Variants in NEK7 observed in about 807,000 individuals in gnomAD.
NEK7 encodes NIMA related kinase 7.
A neutral mutation model predicts 44.6 loss-of-function variants in NEK7; 18 were observed. The ratio of observed to expected loss-of-function variants is 0.40; its 90% CI spans 0.28 to 0.60. NEK7 has a LOEUF of 0.60. Ranked by LOEUF, NEK7 falls within the 20% of genes least tolerant of loss-of-function variation. NEK7 has a pLI of 0.38. For missense variants in NEK7, 256 were observed against 366.5 expected, an observed-to-expected ratio of 0.70 and a Z score of 2.46; for synonymous variants, 130 against 121.1, an observed-to-expected ratio of 1.07 and a Z score of -0.48.
chr1:198,182,822 A>G (rs1438004625), intron 1 of NEK7, among the ~76,000 whole-genome samples: 1 of 152,194 alleles, frequency 6.6e-6, no homozygotes, highest in African/African-American at 2.4e-5. Context: ...TGGGAGATTC[A>G]GAGGAATCTA....
intron 1 of NEK7, among the ~76,000 whole-genome samples, chr1:198,211,875 G>A (rs1449431091): frequency 1.3e-5 from 2 of 152,172 alleles, no homozygotes; most frequent in African/African-American, 4.8e-5. Flanking sequence ...TTTGAAAGAC[G>A]CAGTGGACAG....
chr1:198,264,969 A>G (rs949877438), intron 5 of NEK7, among the ~76,000 whole-genome samples: 1 of 152,052 alleles, frequency 6.6e-6, no homozygotes, highest in Non-Finnish European at 1.5e-5. Context: ...TTGTAAGGCT[A>G]TGTAAATGTA....
At chr1:198,214,443 T>C (rs1300513520) in intron 1 of NEK7, among the ~76,000 whole-genome samples, 1 of 152,116 alleles carries the variant, frequency 6.6e-6, no homozygotes, top group African/African-American at 2.4e-5. Context: ...ATTCTGGATA[T>C]GGATGAAAAA....
chr1:198,307,875 G>A (rs1161664432), intron 9 of NEK7, among the ~76,000 whole-genome samples: 1 of 151,970 alleles, frequency 6.6e-6, no homozygotes, highest in Admixed American at 6.6e-5. Flanking sequence ...GCTGTATTAA[G>A]CATCATGAGA....
intron 1 of NEK7, among the ~76,000 whole-genome samples, chr1:198,201,781 T>TG (rs764873123): frequency 6.6e-6 from 1 of 152,180 alleles, no homozygotes; most frequent in Non-Finnish European, 1.5e-5. Context: ...AAGACACACT[T>TG]GGAGTTTTTG....
At chr1:198,252,554 AT>A (rs1558079192) in intron 2 of NEK7, among the ~76,000 whole-genome samples, 5,392 of 68,578 alleles carry the variant, frequency 0.079, 358 homozygotes, top group Middle Eastern at 0.11. Context: ...ATATATATAT[AT>A]ATATATATAT....
chr1:198,172,011 C>T (rs1253193074), intron 1 of NEK7, among the ~76,000 whole-genome samples: 1 of 152,180 alleles, frequency 6.6e-6, no homozygotes, highest in Non-Finnish European at 1.5e-5. Flanking sequence ...CTGTATGTCT[C>T]CTCTGGGAAT....
chr1:198,310,092 C>A (rs539182104), intron 9 of NEK7, among the ~76,000 whole-genome samples: 50 of 152,146 alleles, frequency 3.3e-4, no homozygotes, highest in African/African-American at 1.2e-3. Flanking sequence ...TCTCCACATC[C>A]TCTCCAGCAC....
intron 1 of NEK7, among the ~76,000 whole-genome samples, chr1:198,215,844 A>G (rs1283405815): frequency 6.6e-5 from 10 of 152,138 alleles, no homozygotes; most frequent in Non-Finnish European, 2.9e-5. Flanking sequence ...GAAGGGATCA[A>G]TTCAACAAGA....
chr1:198,253,072 A>T lies in NEK7; in HGVS notation c.90A>T (p.Thr30=), dbSNP rs758564308. 4.3e-6 allele frequency: 7 copies of T among 1,612,018 alleles called. No individual in the cohort carries two copies. The Admixed American group carries it at 8.3e-5, about 19-fold the overall frequency. The change falls in exon 3 of 10, where the codon ACA becomes ACT. Residue 30 remains threonine (T), a synonymous_variant. Coordinates refer to ENST00000367385, the MANE Select transcript of NEK7 (RefSeq NM_133494.3). The stretch of plus-strand genomic sequence containing the variant: ...TACGACCGGATATGGGCTATAATAC[A>T]TTAGCCAACTTTCGAATAGAAAAGA... ...KALRPDMGYN[T]LANFRIEKKI...
intron 9 of NEK7, among the ~76,000 whole-genome samples, chr1:198,307,592 C>A (rs774995598): frequency 1.8e-4 from 28 of 152,116 alleles, no homozygotes; most frequent in Non-Finnish European, 3.4e-4. Flanking sequence ...AGAATCTATT[C>A]TGCCGATTTG....
chr1:198,255,896 C>G (rs1653246238), intron 3 of NEK7, among the ~76,000 whole-genome samples: 1 of 152,148 alleles, frequency 6.6e-6, no homozygotes, highest in Non-Finnish European at 1.5e-5. Flanking sequence ...ACATATTACA[C>G]TTGTGCTGAA....
intron 1 of NEK7, among the ~76,000 whole-genome samples, chr1:198,231,717 G>A (rs958833303): frequency 6.6e-6 from 1 of 152,066 alleles, no homozygotes; most frequent in African/African-American, 2.4e-5. Context: ...TCACAGGGTA[G>A]AGGAAGAAAT....
At chr1:198,214,337 G>A (rs1464348626) in intron 1 of NEK7, among the ~76,000 whole-genome samples, 1 of 152,126 alleles carries the variant, frequency 6.6e-6, no homozygotes, top group Non-Finnish European at 1.5e-5. Flanking sequence ...AAAATGAGAT[G>A]TTCGAAATAC....
At chr1:198,248,227 A>G (rs1432994665) in intron 2 of NEK7, among the ~76,000 whole-genome samples, 1 of 152,216 alleles carries the variant, frequency 6.6e-6, no homozygotes. Flanking sequence ...TTAAACAGCT[A>G]GAGATGCTAA....
chr1:198,300,733 G>C (rs1654858860), intron 9 of NEK7, among the ~76,000 whole-genome samples: 1 of 152,122 alleles, frequency 6.6e-6, no homozygotes, highest in Non-Finnish European at 1.5e-5. Flanking sequence ...TTGATTGATT[G>C]AGGGAATGTG....
At chr1:198,244,491 G>A (rs946620055) in intron 2 of NEK7, among the ~76,000 whole-genome samples, 2 of 152,086 alleles carry the variant, frequency 1.3e-5, no homozygotes, top group East Asian at 1.9e-4. Context: ...TGAACCCGTG[G>A]CAAACAGAAG....
chr1:198,248,747 G>A (rs1296382854), intron 2 of NEK7, among the ~76,000 whole-genome samples: 1 of 152,026 alleles, frequency 6.6e-6, no homozygotes, highest in African/African-American at 2.4e-5. Context: ...TCAACTCAAA[G>A]ATCTTTTCAA....
intron 9 of NEK7, among the ~76,000 whole-genome samples, chr1:198,301,689 G>C (rs917253216): frequency 2.6e-5 from 4 of 152,070 alleles, no homozygotes; most frequent in East Asian, 1.9e-4. Flanking sequence ...AAGGATAAAG[G>C]GTGCCCTTCA....
Sources: gnomAD v4.1 joint callset for allele counts (sites outside exome capture counted in the v4.1 genomes callset) on GRCh38, gnomAD v4.1.1 for gene constraint, MANE v1.5 for transcripts, NCBI Gene and HGNC (gene_info 2026-07-23, HGNC 2026-07-21) for gene names.